The following FAHD2A variants were observed in gnomAD, a reference collection of about 807,000 sequenced individuals.
FAHD2A encodes fumarylacetoacetate hydrolase domain containing 2A, also known as oxaloacetate tautomerase FAHD2A, mitochondrial.
FAHD2A carries 27 observed loss-of-function variants against 33.4 expected under a neutral mutation model. That is an observed-to-expected ratio of 0.81 (90% CI 0.60 to 1.11). The LOEUF is 1.11. Among genes scored for constraint, FAHD2A ranks in the 50% most tolerant of loss-of-function variants. The pLI is 0.00. For missense variants in FAHD2A, 296 were observed against 395.0 expected, an observed-to-expected ratio of 0.75 and a Z score of 2.12; for synonymous variants, 130 against 153.3, an observed-to-expected ratio of 0.85 and a Z score of 1.12.
In FAHD2A at chr2:95,410,789, A is replaced by T. The variant is rs3860489; in HGVS notation, c.523-75A>T. 115 of 1,581,762 alleles carry T rather than the reference A, an allele frequency of 7.3e-5. No homozygotes were observed. In the East Asian group the frequency reaches 9.4e-4, roughly 13 times the overall value. On this transcript the variant is annotated intron_variant, in intron 4 of 7. Transcript: ENST00000233379. The stretch of plus-strand genomic sequence containing the variant: ...GGCTACTAACATGGGATAACAGCTT[A>T]GAGATCCCTTGCCATAGGTGTTGGT...
chr2:95,414,947 A>T lies in FAHD2A; in HGVS notation c.*1990A>T, dbSNP rs1683013213. 1 of 152,298 alleles carries T rather than the reference A, an allele frequency of 6.6e-6. No individual in the cohort carries two copies. The highest frequency in any genetic ancestry group is 6.6e-5 in the Admixed American group (1 of 15,266). The allele number at this position is 152,298 out of a possible 1,614,324, so 9.4% of individuals were successfully genotyped here. A position where few individuals can be genotyped will look rare whatever the true frequency, so the allele number is the denominator to read the frequency against. On this transcript the variant is annotated 3_prime_UTR_variant, in exon 8 of 8. Transcript: ENST00000233379. ...ACAAAACCAATAACTCAGTAAGCAGATTAAACAAAGGTAGAGACGGAGCCC... is the reference window on the plus strand; with the variant it reads ...ACAAAACCAATAACTCAGTAAGCAGTTTAAACAAAGGTAGAGACGGAGCCC...
chr2:95,421,038 TG>T (rs1683308935), downstream of FAHD2A, among the ~76,000 whole-genome samples: 4 of 127,914 alleles, frequency 3.1e-5, no homozygotes, highest in South Asian at 9.7e-4. Flanking sequence ...TGTGTGTGTG[TG>T]TGTGTGTGTC....
chr2:95,420,977 A>G (rs539030083), downstream of FAHD2A, among the ~76,000 whole-genome samples: 227 of 150,322 alleles, frequency 1.5e-3, 3 homozygotes, highest in African/African-American at 5.3e-3. Context: ...ACTTTCATAA[A>G]TGTACAATGT....
At chr2:95,416,892 G>A (rs1683207256), downstream of FAHD2A, among the ~76,000 whole-genome samples, 1 of 152,138 alleles carries the variant, frequency 6.6e-6, no homozygotes, top group Admixed American at 6.5e-5. Context: ...GAGACCTCTA[G>A]ACCCTAAGGA....
intron 3 of FAHD2A, among the ~76,000 whole-genome samples, chr2:95,408,483 T>TAAA (rs1447548525): frequency 6.6e-6 from 1 of 152,202 alleles, no homozygotes; most frequent in African/African-American, 2.4e-5. Flanking sequence ...TAATTGGACT[T>TAAA]ACAGTTCCAC....
intron 1 of FAHD2A, among the ~76,000 whole-genome samples, chr2:95,404,261 C>T (rs1204808649): frequency 7.2e-5 from 11 of 151,894 alleles, no homozygotes; most frequent in Non-Finnish European, 1.6e-4. Context: ...TTAAGTGGAG[C>T]CTTGGACTCA....
Position 95,414,129 on chromosome 2 carries a change from C to CAGA in FAHD2A, c.*1176_*1178dup. The CAGA allele has an allele frequency of 6.7e-7, 1 of 1,503,416 alleles. No individual in the cohort carries two copies. The highest frequency in any genetic ancestry group is 1.2e-5 in the South Asian group (1 of 83,388). 93.1% of individuals were successfully genotyped at this position (1,503,416 alleles called of 1,614,324 possible). On this transcript the variant is annotated 3_prime_UTR_variant, in exon 8 of 8. Transcript: ENST00000233379. ...AGGGAGGGATAGATCTCCGACTGGA[C>CAGA]AGAAGACTACTCTGCAGCCCGCCTT... is the stretch of plus-strand genomic sequence containing the variant.
At position 95,407,093 on chromosome 2, in the gene FAHD2A, T is replaced by C. The variant is rs759889811; in HGVS notation, c.398T>C (p.Phe133Ser). 57 of 1,612,314 alleles carry C rather than the reference T, an allele frequency of 3.5e-5. No homozygotes were observed. The highest frequency in any genetic ancestry group is 4.7e-5 in the Non-Finnish European group (56 of 1,179,868). Residue 133 changes from phenylalanine to serine, a missense_variant, in exon 3 of 8, where the codon TTC (phenylalanine) becomes TCC (serine). By Grantham distance (155) the Phe-to-Ser change is radical. Coordinates refer to ENST00000233379, the MANE Select transcript of FAHD2A (RefSeq NM_016044.3). Reference sequence around the variant, plus strand: ...CCCGTGCCCAAGGAGCCCATCATCTTCAGCAAGTTTGCCAGCTCCATCGTG... The same window carrying C: ...CCCGTGCCCAAGGAGCCCATCATCTCCAGCAAGTTTGCCAGCTCCATCGTG... ...NVPVPKEPII[F>S]SKFASSIVGP...
chr2:95,420,778 G>C (rs181374329), downstream of FAHD2A, among the ~76,000 whole-genome samples: 125 of 152,022 alleles, frequency 8.2e-4, 5 homozygotes, highest in East Asian at 0.015. Context: ...AGGAAGGAAT[G>C]GGGAACATGG....
At chr2:95,404,546 C>T (rs1457498852) in intron 1 of FAHD2A, among the ~76,000 whole-genome samples, 3 of 152,128 alleles carry the variant, frequency 2.0e-5, no homozygotes, top group Non-Finnish European at 2.9e-5. Context: ...CCACCCACCT[C>T]GGCCTCCCAA....
intron 3 of FAHD2A, among the ~76,000 whole-genome samples, chr2:95,408,271 C>T (rs994377148): frequency 1.3e-5 from 2 of 152,060 alleles, no homozygotes; most frequent in Non-Finnish European, 2.9e-5. Flanking sequence ...CTGACTTCCC[C>T]AAAGATAACT....
rs766589051 is a variant in FAHD2A at position 95,412,717 on chromosome 2, A to AC, written c.842dup (p.Gly282ArgfsTer17). 50 of 1,613,308 alleles carry AC rather than the reference A, an allele frequency of 3.1e-5. No individual in the cohort carries two copies. Among genetic ancestry groups the AC allele is most frequent in the South Asian group, 1.9e-4 (17 of 91,002 alleles). Reference sequence around the variant, plus strand: ...CCCAGGGGATGTCATCCTAACTGGGACCCCCCCAGGTGTCGGTGTATTCAG... The same window carrying AC: ...CCCAGGGGATGTCATCCTAACTGGGACCCCCCCCAGGTGTCGGTGTATTCAG... On this transcript the variant is annotated frameshift_variant, in exon 7 of 8. Transcript: ENST00000233379. LOFTEE classifies it high-confidence loss of function.
intron 3 of FAHD2A, among the ~76,000 whole-genome samples, chr2:95,409,456 G>A (rs1402240464): frequency 2.0e-5 from 3 of 152,086 alleles, no homozygotes; most frequent in African/African-American, 7.2e-5. Flanking sequence ...TTATAGGCGT[G>A]TACCACCACA....
chr2:95,405,144 G>C (rs1681322674), intron 1 of FAHD2A: 1 of 160,638 alleles, frequency 6.2e-6, no homozygotes, highest in Non-Finnish European at 1.4e-5. Context: ...ACTAGAGAAG[G>C]GTAGAGCCCC....
At position 95,413,436 on chromosome 2, in the gene FAHD2A, C is replaced by G; in HGVS notation, c.*479C>G. On this transcript the variant is annotated 3_prime_UTR_variant, in exon 8 of 8. Transcript: ENST00000233379. ...TGGGGCTCAGAAGTCTCAGCACAGG[C>G]TCCTTCTCACAGTTCTAGCTACAAG... The G allele has an allele frequency of 1.2e-6, 2 of 1,607,280 alleles. No individual in the cohort carries two copies. The highest frequency in any genetic ancestry group is 3.4e-5 in the Admixed American group (2 of 58,392).
chr2:95,405,423 A>G (rs934889645), intron 1 of FAHD2A, 130 bp from the exon 2 acceptor site: 175 of 1,382,152 alleles, frequency 1.3e-4, no homozygotes, highest in South Asian at 2.7e-4. Context: ...AGCCTGGACC[A>G]CTTCCCGTGT....
intron 3 of FAHD2A, among the ~76,000 whole-genome samples, chr2:95,408,176 C>G (rs1681926042): frequency 6.6e-6 from 1 of 151,396 alleles, no homozygotes; most frequent in Non-Finnish European, 1.5e-5. Context: ...GCATGACCAT[C>G]CCACCATTAT....
intron 7 of FAHD2A, 58 bp downstream of exon 7, chr2:95,412,822 A>G (rs1682764243): frequency 6.2e-7 from 1 of 1,614,126 alleles, no homozygotes; most frequent in African/African-American, 1.3e-5. Flanking sequence ...CTTGCCTCAG[A>G]CTTGAGAAGT....
intron 1 of FAHD2A, among the ~76,000 whole-genome samples, chr2:95,403,417 G>A (rs1227476002): frequency 1.3e-5 from 2 of 152,198 alleles, no homozygotes; most frequent in Admixed American, 6.5e-5. Flanking sequence ...CTGGTAACCA[G>A]CCTCGTCCCT....
Sources: allele counts gnomAD v4.1 joint callset (sites outside exome capture counted in the v4.1 genomes callset), GRCh38; gene constraint gnomAD v4.1.1; transcripts MANE v1.5; gene names NCBI Gene and HGNC (gene_info 2026-07-23, HGNC 2026-07-21).